The following OGDH variants were observed in gnomAD, a reference collection of about 807,000 sequenced individuals.
The protein encoded by OGDH is 2-oxoglutarate dehydrogenase complex component E1.
In OGDH, 38 loss-of-function variants were observed where a neutral mutation model predicts 116.6. The observed-to-expected ratio is 0.33, with a 90% CI of 0.25 to 0.43. OGDH has a LOEUF of 0.43. Ranked by LOEUF, OGDH falls within the 20% of genes least tolerant of loss-of-function variation. The pLI is 1.00. For missense variants in OGDH, 825 were observed against 1,357.2 expected (o/e 0.61, Z 6.16); for synonymous variants, 488 against 533.3 (o/e 0.92, Z 1.17).
chr7:44,674,112 A>G (rs546659125), intron 6 of OGDH, among the ~76,000 whole-genome samples, 171 bp downstream of exon 6: 1 of 152,322 alleles, frequency 6.6e-6, no homozygotes, highest in South Asian at 2.1e-4. Flanking sequence ...AAGTAGAGTC[A>G]GCCTTCAGAG....
chr7:44,633,575 G>A (rs1441377007), intron 2 of OGDH, among the ~76,000 whole-genome samples: 2 of 152,182 alleles, frequency 1.3e-5, no homozygotes, highest in Non-Finnish European at 2.9e-5. Context: ...TTGGAGGGAG[G>A]TTTGAGGACT....
intron 13 of OGDH, 147 bp downstream of exon 13, chr7:44,696,274 C>G: frequency 9.1e-7 from 1 of 1,093,610 alleles, no homozygotes; most frequent in Non-Finnish European, 1.3e-6. Context: ...CCTGCAGACC[C>G]TGGACCCAGA....
At chr7:44,610,444 C>T (rs1268515429) in intron 1 of OGDH, among the ~76,000 whole-genome samples, 2 of 152,022 alleles carry the variant, frequency 1.3e-5, no homozygotes, top group Non-Finnish European at 1.5e-5. Context: ...GCTGGGATTA[C>T]AGGCGCTTGC....
intron 1 of OGDH, among the ~76,000 whole-genome samples, chr7:44,607,764 G>A (rs905432276): frequency 9.2e-5 from 14 of 152,080 alleles, no homozygotes; most frequent in African/African-American, 3.4e-4. Context: ...GCTGTGGCGC[G>A]ATCTCGGCTC....
intron 1 of OGDH, among the ~76,000 whole-genome samples, chr7:44,621,800 A>G (rs1785019542): frequency 6.6e-6 from 1 of 150,802 alleles, no homozygotes; most frequent in African/African-American, 2.4e-5. Context: ...TGAACCTGGG[A>G]TGGGAGGTTG....
chr7:44,687,807 G>A (rs1404369499), intron 10 of OGDH, among the ~76,000 whole-genome samples: 1 of 152,022 alleles, frequency 6.6e-6, no homozygotes, highest in Non-Finnish European at 1.5e-5. Context: ...TCACAAGTCT[G>A]CAATTAAGTG....
chr7:44,634,049 G>C (rs375021342), intron 2 of OGDH, among the ~76,000 whole-genome samples: 15 of 152,196 alleles, frequency 9.9e-5, no homozygotes, highest in African/African-American at 3.6e-4. Context: ...TGACTCTGTG[G>C]GTTGGCTAGG....
intron 18 of OGDH, among the ~76,000 whole-genome samples, chr7:44,698,646 G>C (rs1430637364): frequency 6.6e-6 from 1 of 152,048 alleles, no homozygotes; most frequent in Non-Finnish European, 1.5e-5. Flanking sequence ...CAAAGAACCA[G>C]CCTGGGCAAC....
chr7:44,645,424 T>C lies in OGDH; in HGVS notation c.320T>C (p.Val107Ala). 1 of 1,614,202 alleles carries C rather than the reference T, an allele frequency of 6.2e-7. No individual in the cohort carries two copies. Among genetic ancestry groups the C allele is most frequent in the South Asian group, 1.1e-5 (1 of 91,082 alleles). ...LPLSRGSLAAVAHAQSLVEAQ... is the reference protein window; with the variant it reads ...LPLSRGSLAAAAHAQSLVEAQ... ...CTGAGCCGAGGCTCCCTGGCTGCTG[T>C]GGCCCATGCACAGTCCCTGGTAGAA... Residue 107 changes from valine (V) to alanine (A), a missense_variant, in exon 3 of 23, where the codon GTG (valine) becomes GCG (alanine). Physicochemically the swap from Val to Ala is moderately conservative, Grantham distance 64. Around this residue, in one of 7 missense-constraint regions of OGDH, gnomAD observed 126 missense variants for 130.4 expected, o/e 0.97. Transcript: ENST00000222673.
At position 44,674,522 on chromosome 7, in the gene OGDH, T is replaced by C; in HGVS notation, c.900T>C (p.Asn300=). The stretch of plus-strand genomic sequence containing the variant: ...CCATCATTGACAAGTCTAGTGAGAA[T>C]GGCGTGGACTACGTGATCATGGGCA... ...LKTIIDKSSE[N]GVDYVIMGMP... Residue 300 remains asparagine (N), a synonymous_variant, in exon 7 of 23, where the codon AAT becomes AAC. Coordinates refer to ENST00000222673, the MANE Select transcript of OGDH (RefSeq NM_002541.4). The C allele has an allele frequency of 6.2e-7, 1 of 1,614,138 alleles. No individual in the cohort carries two copies. The highest frequency in any genetic ancestry group is 8.5e-7 in the Non-Finnish European group (1 of 1,180,012).
intron 4 of OGDH, among the ~76,000 whole-genome samples, chr7:44,653,258 A>G (rs940985988): frequency 3.3e-5 from 5 of 151,960 alleles, no homozygotes; most frequent in Non-Finnish European, 5.9e-5. Flanking sequence ...ATGCCCGGCT[A>G]ATTTTTGTAT....
Position 44,707,915 on chromosome 7 carries a change from C to T in OGDH, c.2988C>T (p.Thr996=), listed in dbSNP as rs61756583. 0.048 allele frequency: 77,543 copies of T among 1,613,708 alleles called. 2,146 individuals carry two copies. Among genetic ancestry groups the T allele is most frequent in the Middle Eastern group, 0.096 (579 of 6,062 alleles). Residue 996 remains threonine, a synonymous_variant, in exon 23 of 23, where the codon ACC becomes ACT. Coordinates refer to ENST00000222673, the MANE Select transcript of OGDH (RefSeq NM_002541.4). The surrounding 1 kb of genome is among the most constrained non-coding windows in gnomAD (Gnocchi z 5.2). ...GGGACCCAGCGGCTGCTCCAGCCAC[C>T]GGCAACAAGAAGACCCACCTGACGG... ...AGRDPAAAPA[T]GNKKTHLTEL...
At chr7:44,704,394 A>AT (rs1480995566) in intron 20 of OGDH, among the ~76,000 whole-genome samples, 1 of 150,202 alleles carries the variant, frequency 6.7e-6, no homozygotes, top group Admixed American at 6.6e-5. Context: ...TTTTAATTTA[A>AT]TTTTTTTTAA....
At chr7:44,642,325 GA>G (rs1785978428) in intron 2 of OGDH, among the ~76,000 whole-genome samples, 1 of 152,208 alleles carries the variant, frequency 6.6e-6, no homozygotes, top group Non-Finnish European at 1.5e-5. Context: ...TCAGGAGGCT[GA>G]AGCAGGAGAA....
intron 10 of OGDH, among the ~76,000 whole-genome samples, chr7:44,689,259 AC>A (rs1306968123): frequency 9.2e-6 from 1 of 108,928 alleles, no homozygotes; most frequent in Non-Finnish European, 1.8e-5. Context: ...CCCGTCACCC[AC>A]GCTGGAGTGC....
chr7:44,615,201 A>G (rs140964307), intron 1 of OGDH, among the ~76,000 whole-genome samples: 11 of 152,300 alleles, frequency 7.2e-5, no homozygotes, highest in African/African-American at 2.6e-4. Context: ...GTGTTATGTT[A>G]TGGACTCTTG....
At chr7:44,675,311 T>C in intron 8 of OGDH, 43 bp downstream of exon 8, 1 of 1,486,708 alleles carries the variant, frequency 6.7e-7, no homozygotes, top group Non-Finnish European at 9.4e-7. Context: ...AGCCCCAACT[T>C]ACACAAGACC....
At chr7:44,643,272 A>G (rs1786030498) in intron 2 of OGDH, among the ~76,000 whole-genome samples, 1 of 152,086 alleles carries the variant, frequency 6.6e-6, no homozygotes, top group African/African-American at 2.4e-5. Context: ...TACTACACCC[A>G]GCTACAGTGG....
At chr7:44,633,140 C>T (rs1785515100) in intron 2 of OGDH, among the ~76,000 whole-genome samples, 1 of 150,072 alleles carries the variant, frequency 6.7e-6, no homozygotes, top group Non-Finnish European at 1.5e-5. Flanking sequence ...GTAGTCCCAG[C>T]TACTTGGGAA....
Sources: gnomAD v4.1 joint callset for allele counts (sites outside exome capture counted in the v4.1 genomes callset) on GRCh38, gnomAD v4.1.1 for gene constraint, gnomAD v4.1.1 regional missense constraint, Gnocchi (gnomAD v3.1) non-coding constraint, MANE v1.5 for transcripts, NCBI Gene and HGNC (gene_info 2026-07-23, HGNC 2026-07-21) for gene names.